The following MYH6 variants were observed in gnomAD, a reference collection of about 807,000 sequenced individuals.
MYH6 encodes the protein myosin heavy chain 6.
MYH6 carries 126 observed loss-of-function variants against 223.2 expected under a neutral mutation model. The observed-to-expected ratio is 0.56, with a 90% CI of 0.49 to 0.65. MYH6 has a LOEUF of 0.65. MYH6 is among the 30% of genes least tolerant of loss of function. The pLI is 0.00. For synonymous variants in MYH6, 978 were observed against 1,010.2 expected (o/e 0.97, Z 0.61); for missense variants, 2,040 against 2,536.4 (o/e 0.80, Z 4.20).
chr14:23,387,520 G>A lies in MYH6; in HGVS notation c.4650+9C>T, dbSNP rs764593204. On this transcript the variant is annotated intron_variant, in intron 32 of 38. Transcript: ENST00000405093. The stretch of plus-strand genomic sequence containing the variant: ...CAGGGATGGGGTGCAGGGAGTTCTC[G>A]GCCCTCACCTCTGCCTCCTCCAGGG... 16 of 1,612,712 alleles carry A rather than the reference G, an allele frequency of 9.9e-6. No individual in the cohort carries two copies. Among genetic ancestry groups the A allele is most frequent in the African/African-American group, 4.0e-5 (3 of 74,874 alleles).
rs894738309 is a variant in MYH6, at chr14:23,397,157, T to C, written c.2050+13A>G. ...AGCTGTCCTCCCCAGACTAAGGTCT[T>C]CTCCTGGCTCACCTGGAGCCTTCCG... On this transcript the variant is annotated intron_variant, in intron 17 of 38. Coordinates refer to ENST00000405093, the MANE Select transcript of MYH6 (RefSeq NM_002471.4). 15 of 1,614,022 alleles carry C rather than the reference T, an allele frequency of 9.3e-6. No homozygotes were observed. Among genetic ancestry groups the C allele is most frequent in the Middle Eastern group, 1.6e-4 (1 of 6,084 alleles).
rs1059853 is a variant in MYH6, at chr14:23,385,003, C to T, written c.5202G>A (p.Ser1734=). The T allele has an allele frequency of 1.2e-5, 20 of 1,614,076 alleles. No individual in the cohort carries two copies. The highest frequency in any genetic ancestry group is 1.7e-5 in the Non-Finnish European group (20 of 1,180,040). ...SLINQKKKME[S]DLTQLQSEVE... ...CTTCCGACTGGAGCTGGGTCAGATC[C>T]GACTCCATCTTCTTCTTCTGGTTGA... Residue 1734 remains serine (S), a synonymous_variant, in exon 35 of 39, where the codon TCG becomes TCA. Transcript: ENST00000405093.
At chr14:23,389,788 T>C in intron 26 of MYH6, 69 bp from the exon 27 acceptor site, 1 of 1,611,416 alleles carries the variant, frequency 6.2e-7, no homozygotes, top group Non-Finnish European at 8.5e-7. Context: ...GAAGAGAGGG[T>C]CAGAGATGGG....
chr14:23,388,597 G>T, intron 29 of MYH6: 1 of 855,590 alleles, frequency 1.2e-6, no homozygotes, highest in Non-Finnish European at 2.0e-6. Context: ...TAGCTCCTCT[G>T]ACCAACAAGC....
intron 20 of MYH6, 67 bp downstream of exon 20, chr14:23,396,217 C>A: frequency 6.2e-7 from 1 of 1,610,016 alleles, no homozygotes; most frequent in Non-Finnish European, 8.5e-7. Flanking sequence ...TTCTGACCCA[C>A]ACTAGTTGAC....
In MYH6 at chr14:23,383,433, T is replaced by C. The variant is rs1304041982; in HGVS notation, c.5566-113A>G. Reference sequence around the variant, plus strand: ...TTGCCTTTGCTGCCCCTCCCTGCAATGATCCAGGTCAAAGAGGTGGTGGGG... The same window carrying C: ...TTGCCTTTGCTGCCCCTCCCTGCAACGATCCAGGTCAAAGAGGTGGTGGGG... On this transcript the variant is annotated intron_variant, in intron 36 of 38. Coordinates refer to ENST00000405093, the MANE Select transcript of MYH6 (RefSeq NM_002471.4). The C allele has an allele frequency of 7.2e-6, 6 of 836,596 alleles. No homozygotes were observed. The Admixed American group carries it at 8.2e-5, about 11-fold the overall frequency. 51.8% of individuals were successfully genotyped at this position (836,596 alleles called of 1,614,324 possible).
chr14:23,407,384 G>A lies in MYH6; in HGVS notation c.-13-148C>T. The A allele has an allele frequency of 8.9e-7, 1 of 1,121,358 alleles. No individual in the cohort carries two copies. Among genetic ancestry groups the A allele is most frequent in the Non-Finnish European group, 1.3e-6 (1 of 781,744 alleles). The allele number at this position is 1,121,358 out of a possible 1,614,324, so 69.5% of individuals were successfully genotyped here. A position where few individuals can be genotyped will look rare whatever the true frequency, so the allele number is the denominator to read the frequency against. ...GCTGTTGCACCCTCCCCTACTCAGG[G>A]CTCTGCTTCTCCTGCCCTCTGAGGT... On this transcript the variant is annotated intron_variant, in intron 2 of 38. Coordinates refer to ENST00000405093, the MANE Select transcript of MYH6 (RefSeq NM_002471.4). The surrounding 1 kb of genome is among the most constrained non-coding windows in gnomAD (Gnocchi z 5.6).
At chr14:23,399,168 A>G in intron 14 of MYH6, 131 bp from the exon 15 acceptor site, 1 of 1,103,408 alleles carries the variant, frequency 9.1e-7, no homozygotes, top group Non-Finnish European at 1.3e-6. Flanking sequence ...CTGTGCTGGT[A>G]CCTCTTACCC....
intron 14 of MYH6, among the ~76,000 whole-genome samples, chr14:23,399,477 T>C (rs975996796): frequency 2.0e-5 from 3 of 152,202 alleles, no homozygotes; most frequent in Admixed American, 2.0e-4. Context: ...ACCTGGTGGT[T>C]CTTGATTTTT....
Position 23,392,634 on chromosome 14 carries a change from A to G in MYH6, c.3270T>C (p.Asn1090=), listed in dbSNP as rs767312247. 3 of 1,350,244 alleles carry G rather than the reference A, an allele frequency of 2.2e-6. No homozygotes were observed. The South Asian group carries it at 3.5e-5, about 16-fold the overall frequency. 83.6% of individuals were successfully genotyped at this position (1,350,244 alleles called of 1,614,324 possible). The part of the protein sequence containing the change: ...EKLKKKEFDI[N]QQNSKIEDEQ... ...CATCCTCAATCTTACTGTTCTGCTG[A>G]TTAATGTCAAACTCCTTCCTGCAGG... Residue 1090 remains asparagine (N), a synonymous_variant, in exon 25 of 39, where the codon AAT becomes AAC. Coordinates refer to ENST00000405093, the MANE Select transcript of MYH6 (RefSeq NM_002471.4).
Position 23,388,243 on chromosome 14 carries a change from T to G in MYH6, c.4271A>C (p.Gln1424Pro). ...SSLEKTKHRL[Q>P]NEIEDLMVDV... ...CACCATCAAGTCCTCTATCTCATTCTGTAGCCGGTGCTTGGTCTTCTCCAG... is the reference window on the plus strand; with the variant it reads ...CACCATCAAGTCCTCTATCTCATTCGGTAGCCGGTGCTTGGTCTTCTCCAG... The change falls in exon 30 of 39, where the codon CAG becomes CCG. Residue 1424 changes from glutamine to proline, a missense_variant. By Grantham distance (76) the Gln-to-Pro change is moderately conservative (BLOSUM62 -1). Transcript: ENST00000405093. The G allele has an allele frequency of 1.2e-6, 2 of 1,612,826 alleles. No homozygotes were observed. Among genetic ancestry groups the G allele is most frequent in the Non-Finnish European group, 1.7e-6 (2 of 1,180,044 alleles).
chr14:23,382,304 T>G, intron 38 of MYH6, 124 bp downstream of exon 38: 2 of 1,439,708 alleles, frequency 1.4e-6, no homozygotes, highest in East Asian at 2.3e-5. Flanking sequence ...TCTCAGGTTA[T>G]GTAAGCTATG....
Position 23,393,345 on chromosome 14 carries a change from A to C in MYH6, c.3102T>G (p.Asp1034Glu), listed in dbSNP as rs777715855. 6.2e-7 allele frequency: 1 copy of C among 1,614,132 alleles called. No homozygotes were observed. Among genetic ancestry groups the C allele is most frequent in the South Asian group, 1.1e-5 (1 of 91,078 alleles). ...KSKVKLEQQV[D>E]DLEGSLEQEK... ...GAGCATGGTTCTTACTACTCACATCATCCACCTGCTGCTCCAGCTTGACCT... is the reference window on the plus strand; with the variant it reads ...GAGCATGGTTCTTACTACTCACATCCTCCACCTGCTGCTCCAGCTTGACCT... The change falls in exon 23 of 39, where the codon GAT (aspartate) becomes GAG (glutamate). Residue 1034 changes from aspartate (D) to glutamate (E), a missense_variant. Transcript: ENST00000405093.
chr14:23,402,967 G>A (rs1023163845), intron 10 of MYH6, among the ~76,000 whole-genome samples, 167 bp from the exon 11 acceptor site: 1 of 151,866 alleles, frequency 6.6e-6, no homozygotes, highest in Non-Finnish European at 1.5e-5. Flanking sequence ...CAAGGACCAA[G>A]GAGTGAACCC....
chr14:23,405,497 T>G lies in MYH6; in HGVS notation c.346-118A>C. The G allele has an allele frequency of 6.3e-7, 1 of 1,594,778 alleles. No homozygotes were observed. The highest frequency in any genetic ancestry group is 8.6e-7 in the Non-Finnish European group (1 of 1,165,506). ...TGGCTCTACTCCTCCTGCAGCTGAC[T>G]AGGGGTGGAGGGGGGAAGGGGACTT... On this transcript the variant is annotated intron_variant, in intron 4 of 38. Coordinates refer to ENST00000405093, the MANE Select transcript of MYH6 (RefSeq NM_002471.4). This position sits in a 1 kb window ranked among gnomAD's most constrained non-coding sequence, Gnocchi z 4.7.
rs1595059201 is a variant in MYH6 at position 23,397,364 on chromosome 14, G to C, written c.1963-107C>G. On this transcript the variant is annotated intron_variant, in intron 16 of 38. Coordinates refer to ENST00000405093, the MANE Select transcript of MYH6 (RefSeq NM_002471.4). ...CACCAGAATCATCAAAGGGACAGGG[G>C]CTGCCACATAATTTGTGACGTGAGT... is the stretch of plus-strand genomic sequence containing the variant. 2.3e-6 allele frequency: 3 copies of C among 1,311,960 alleles called. No homozygotes were observed. The South Asian group carries it at 3.5e-5, about 15-fold the overall frequency. 81.3% of individuals were successfully genotyped at this position (1,311,960 alleles called of 1,614,324 possible). A position where few individuals can be genotyped will look rare whatever the true frequency, so the allele number is the denominator to read the frequency against.
At chr14:23,402,337 C>T in intron 12 of MYH6, 127 bp downstream of exon 12, 1 of 1,446,080 alleles carries the variant, frequency 6.9e-7, no homozygotes, top group Non-Finnish European at 9.4e-7. Context: ...TCCCACGTCC[C>T]TGTCCCTCAC....
rs1022209293 is a variant in MYH6, at chr14:23,396,155, C to T, written c.2429+129G>A. The stretch of plus-strand genomic sequence containing the variant: ...AAGAAGAAGAATTTGCAATGAGATT[C>T]GAAGTGGTAAAGTAACTTGCCCAGG... On this transcript the variant is annotated intron_variant, in intron 20 of 38. Transcript: ENST00000405093. 57 of 1,113,998 alleles carry T rather than the reference C, an allele frequency of 5.1e-5. 1 individual carries two copies. Among genetic ancestry groups the T allele is most frequent in the Admixed American group, 4.8e-4 (26 of 54,236 alleles). 69.0% of individuals were successfully genotyped at this position (1,113,998 alleles called of 1,614,324 possible). A position where few individuals can be genotyped will look rare whatever the true frequency, so the allele number is the denominator to read the frequency against.
At chr14:23,398,173 A>G (rs1595060059) in intron 15 of MYH6, among the ~76,000 whole-genome samples, 1 of 151,742 alleles carries the variant, frequency 6.6e-6, no homozygotes, top group Non-Finnish European at 1.5e-5. Flanking sequence ...AGGTGCCACC[A>G]CGCCAGGCTA....
Sources: gnomAD v4.1 joint callset for allele counts (sites outside exome capture counted in the v4.1 genomes callset) on GRCh38, gnomAD v4.1.1 for gene constraint, Gnocchi (gnomAD v3.1) non-coding constraint, MANE v1.5 for transcripts, NCBI Gene and HGNC (gene_info 2026-07-23, HGNC 2026-07-21) for gene names.